STRIP2: variants seen among roughly 807,000 people sequenced by gnomAD.
STRIP2 encodes striatin interacting protein 2.
Under a neutral mutation model 107.1 loss-of-function variants are expected in STRIP2, and 84 were observed. The ratio of observed to expected loss-of-function variants is 0.78; its 90% confidence interval spans 0.66 to 0.94. The LOEUF (loss-of-function observed/expected upper bound fraction) is 0.94, where lower values mean the gene tolerates loss of function less well. STRIP2 is among the 40% of genes least tolerant of loss of function. The pLI is 0.00. For synonymous variants in STRIP2, 394 were observed against 400.4 expected (o/e 0.98, Z 0.19); for missense variants, 888 against 1,034.2 (o/e 0.86, Z 1.94).
rs750426183 is a variant in STRIP2, at chr7:129,451,701, G to A, written c.363G>A (p.Arg121=). The A allele has an allele frequency of 2.5e-6, 4 of 1,614,066 alleles. No homozygotes were observed. The highest frequency in any genetic ancestry group is 3.4e-6 in the Non-Finnish European group (4 of 1,180,036). Reference sequence around the variant, plus strand: ...TGGACCGGCTAGAGGTGGTCAGTAGGGAACGGCGGCTGAAGGTGGCCCGGG... The same window carrying A: ...TGGACCGGCTAGAGGTGGTCAGTAGAGAACGGCGGCTGAAGGTGGCCCGGG... The part of the protein sequence containing the change: ...GLLDRLEVVS[R]ERRLKVARAV... The change falls in exon 4 of 21, where the codon AGG becomes AGA. Residue 121 remains arginine (R), a synonymous_variant. Transcript: ENST00000249344.
At chr7:129,474,807 G>C (rs1277578798) in intron 18 of STRIP2, among the ~76,000 whole-genome samples, 1 of 152,164 alleles carries the variant, frequency 6.6e-6, no homozygotes, top group Non-Finnish European at 1.5e-5. Context: ...CCACCGCTGG[G>C]CTGAGGTAGT....
chr7:129,485,874 A>T lies in STRIP2; in HGVS notation c.*45A>T, dbSNP rs746081889. ...CATCAATAGATAGAGGTCAGCTCCAATAAACTGTGCTCTGCCTACCCTGTC... is the reference window on the plus strand; with the variant it reads ...CATCAATAGATAGAGGTCAGCTCCATTAAACTGTGCTCTGCCTACCCTGTC... On this transcript the variant is annotated 3_prime_UTR_variant, in exon 21 of 21. Coordinates refer to ENST00000249344, the MANE Select transcript of STRIP2 (RefSeq NM_020704.3). The T allele has an allele frequency of 6.2e-7, 1 of 1,606,922 alleles. No homozygotes were observed. The highest frequency in any genetic ancestry group is 1.1e-5 in the South Asian group (1 of 90,594).
chr7:129,442,182 G>A (rs982138410), intron 2 of STRIP2, among the ~76,000 whole-genome samples: 5 of 152,120 alleles, frequency 3.3e-5, no homozygotes, highest in African/African-American at 1.2e-4. Context: ...CCAAGATCAC[G>A]CCACTGCACT....
chr7:129,461,047 C>T lies in STRIP2; in HGVS notation c.1476+675C>T, dbSNP rs959139858. On this transcript the variant is annotated intron_variant, in intron 13 of 20. Coordinates refer to ENST00000249344, the MANE Select transcript of STRIP2 (RefSeq NM_020704.3). This position sits in a 1 kb window ranked among gnomAD's most constrained non-coding sequence, Gnocchi z 4.0. ...TGGACCAGAAAAGCATAGACGCACT[C>T]TACGGAGATTAGTTAGAAAACCCTT... Among the ~76,000 whole-genome samples the T allele has an allele frequency of 6.6e-6, 1 of 152,224 alleles. No homozygotes were observed. The highest frequency in any genetic ancestry group is 2.4e-5 in the African/African-American group (1 of 41,452).
At chr7:129,466,143 T>G (rs533657926) in intron 16 of STRIP2, among the ~76,000 whole-genome samples, 1 of 152,124 alleles carries the variant, frequency 6.6e-6, no homozygotes, top group Admixed American at 6.5e-5. Context: ...CTGCTTTTCT[T>G]GGTGGGAAGT....
chr7:129,467,458 C>CTCTG lies in STRIP2; in HGVS notation c.1877+9_1877+12dup. Reference sequence around the variant, plus strand: ...CATCACTGCCAAAAACAGGTATGAACTCTGGACAGGTTTATTTCAAGGGGC... The same window carrying CTCTG: ...CATCACTGCCAAAAACAGGTATGAACTCTGTCTGGACAGGTTTATTTCAAGGGGC... On this transcript the variant is annotated intron_variant, in intron 17 of 20. Transcript: ENST00000249344. 1 of 1,602,168 alleles carries CTCTG rather than the reference C, an allele frequency of 6.2e-7. No individual in the cohort carries two copies. Among genetic ancestry groups the CTCTG allele is most frequent in the Non-Finnish European group, 8.5e-7 (1 of 1,170,952 alleles).
intron 18 of STRIP2, chr7:129,478,062 G>A (rs1256580103): frequency 5.8e-6 from 2 of 342,436 alleles, no homozygotes; most frequent in African/African-American, 2.2e-5. Flanking sequence ...GTGGTGATAC[G>A]AAGAAATAGT....
intron 12 of STRIP2, 33 bp downstream of exon 12, chr7:129,459,613 A>G (rs1319256099): frequency 1.9e-6 from 3 of 1,580,952 alleles, no homozygotes; most frequent in African/African-American, 1.3e-5. Context: ...CTTCAGGGAT[A>G]GGGAGCCATC....
Position 129,458,870 on chromosome 7 carries a change from C to A in STRIP2, c.1340+93C>A. On this transcript the variant is annotated intron_variant, in intron 11 of 20. Coordinates refer to ENST00000249344, the MANE Select transcript of STRIP2 (RefSeq NM_020704.3). This position sits in a 1 kb window ranked among gnomAD's most constrained non-coding sequence, Gnocchi z 4.6. ...GGAATGAGGGATGGTGCCTGGTGGT[C>A]ATAATGTAACCTAGAGCCCCTAGGC... The A allele has an allele frequency of 1.6e-6, 2 of 1,238,658 alleles. No homozygotes were observed. The highest frequency in any genetic ancestry group is 2.5e-5 in the South Asian group (2 of 81,472). The allele number at this position is 1,238,658 out of a possible 1,614,324, so 76.7% of individuals were successfully genotyped here. A position where few individuals can be genotyped will look rare whatever the true frequency, so the allele number is the denominator to read the frequency against.
intron 3 of STRIP2, 35 bp from the exon 4 acceptor site, chr7:129,451,578 G>A (rs190586264): frequency 1.1e-4 from 181 of 1,611,834 alleles, no homozygotes; most frequent in Admixed American, 4.2e-4. Context: ...GGTGGCAATA[G>A]CTGACACTGG....
At chr7:129,459,388 G>T in intron 11 of STRIP2, 129 bp from the exon 12 acceptor site, 1 of 730,706 alleles carries the variant, frequency 1.4e-6, no homozygotes, top group Admixed American at 2.0e-5. Flanking sequence ...GCTTGCAGAG[G>T]AAGGTCTAGG....
chr7:129,476,211 G>A (rs150175477), intron 18 of STRIP2, among the ~76,000 whole-genome samples: 14,246 of 112,646 alleles, frequency 0.13, 311 homozygotes, highest in East Asian at 0.3. Context: ...CCTCCCTCCC[G>A]GACGGGGCGG....
rs1423797315 is a variant in STRIP2 at position 129,458,234 on chromosome 7, A to G, written c.1058A>G (p.Asp353Gly). Residue 353 changes from aspartate to glycine, a missense_variant, in exon 10 of 21, where the codon GAC becomes GGC. Physicochemically the swap from Asp to Gly is moderately conservative, Grantham distance 94. Coordinates refer to ENST00000249344, the MANE Select transcript of STRIP2 (RefSeq NM_020704.3). This position sits in a 1 kb window ranked among gnomAD's most constrained non-coding sequence, Gnocchi z 4.6. Reference sequence around the variant, plus strand: ...CTCCAGCAACTCCTCACTAAGCAGGACAGCCTGGACATCTACAATGAAAGG... The same window carrying G: ...CTCCAGCAACTCCTCACTAAGCAGGGCAGCCTGGACATCTACAATGAAAGG... Reference protein sequence around the residue: ...GSRRQLLTKQDSLDIYNERDL... With the variant: ...GSRRQLLTKQGSLDIYNERDL... 5.0e-6 allele frequency: 8 copies of G among 1,614,146 alleles called. No individual in the cohort carries two copies. Among genetic ancestry groups the G allele is most frequent in the Non-Finnish European group, 6.8e-6 (8 of 1,180,000 alleles).
intron 6 of STRIP2, 81 bp downstream of exon 6, chr7:129,454,291 C>G: frequency 1.3e-6 from 2 of 1,525,934 alleles, no homozygotes; most frequent in Non-Finnish European, 9.1e-7. Context: ...CCAGATGACT[C>G]AGACCATTAG....
chr7:129,434,573 C>A lies in STRIP2; in HGVS notation c.101C>A (p.Ala34Glu). ...CAGGCGGCGCCCAAGGGCCGCGAAG[C>A]GTTCCGAAGCCAGCGGCGGGAGTCA... Reference protein sequence around the residue: ...GKQAAPKGREAFRSQRRESEG... With the variant: ...GKQAAPKGREEFRSQRRESEG... The change falls in exon 1 of 21, where the codon GCG (alanine) becomes GAG (glutamate). Residue 34 changes from alanine (A) to glutamate (E), a missense_variant. Ala to Glu is a moderately radical substitution (Grantham distance 107). Transcript: ENST00000249344. 6.6e-7 allele frequency: 1 copy of A among 1,515,336 alleles called. No homozygotes were observed. 93.9% of individuals were successfully genotyped at this position (1,515,336 alleles called of 1,614,324 possible).
intron 18 of STRIP2, among the ~76,000 whole-genome samples, chr7:129,475,979 G>GC (rs1387353993): frequency 6.6e-6 from 1 of 152,114 alleles, no homozygotes; most frequent in Non-Finnish European, 1.5e-5. Flanking sequence ...CACAGACACA[G>GC]CAACAATCTG....
intron 19 of STRIP2, 125 bp from the exon 20 acceptor site, chr7:129,482,716 TG>T: frequency 9.1e-7 from 1 of 1,103,778 alleles, no homozygotes; most frequent in Non-Finnish European, 1.3e-6. Flanking sequence ...AAGTAGAGCC[TG>T]GACCATAGAT....
intron 18 of STRIP2, among the ~76,000 whole-genome samples, chr7:129,477,139 CCG>C (rs912178410): frequency 7.2e-6 from 1 of 139,854 alleles, no homozygotes; most frequent in African/African-American, 2.6e-5. Context: ...AGTCCAGCTT[CCG>C]CTCGGCATCA....
In STRIP2 at chr7:129,485,429, A is replaced by T. The variant is rs1799220357; in HGVS notation, c.2255-150A>T. On this transcript the variant is annotated intron_variant, in intron 20 of 20. Transcript: ENST00000249344. The stretch of plus-strand genomic sequence containing the variant: ...TTAAACCTAAGTGTCAGCATGCTGT[A>T]TACTAACTTCATACATTGCTCTTTA... 3.7e-6 allele frequency: 3 copies of T among 821,698 alleles called. No homozygotes were observed. In the South Asian group the frequency reaches 5.7e-5, roughly 16 times the overall value. 50.9% of individuals were successfully genotyped at this position (821,698 alleles called of 1,614,324 possible).
Sources: allele counts gnomAD v4.1 joint callset (sites outside exome capture counted in the v4.1 genomes callset), GRCh38; gene constraint gnomAD v4.1.1; non-coding constraint Gnocchi (gnomAD v3.1); transcripts MANE v1.5; gene names NCBI Gene and HGNC (gene_info 2026-07-23, HGNC 2026-07-21).